CDH2: variants seen among roughly 807,000 people sequenced by gnomAD.
CDH2 encodes cadherin 2, also known as cadherin-2.
In CDH2, 17 loss-of-function variants were observed where a neutral mutation model predicts 92.0. The ratio of observed to expected loss-of-function variants is 0.18; its 90% CI spans 0.13 to 0.28. CDH2 has a LOEUF of 0.28. Among genes scored for constraint, CDH2 ranks in the 10% least tolerant of loss-of-function variants. CDH2 has a pLI of 1.00. For synonymous variants in CDH2, 419 were observed against 415.9 expected, an observed-to-expected ratio of 1.01 and a Z score of -0.09; for missense variants, 862 against 1,133.1, an observed-to-expected ratio of 0.76 and a Z score of 3.44.
intron 2 of CDH2, among the ~76,000 whole-genome samples, chr18:28,039,525 C>T (rs907186291): frequency 6.6e-6 from 1 of 152,106 alleles, no homozygotes; most frequent in African/African-American, 2.4e-5. Context: ...AAGCAACTTG[C>T]CCCTAGGTCC....
intron 2 of CDH2, among the ~76,000 whole-genome samples, chr18:28,060,192 T>C (rs1464832231): frequency 2.6e-5 from 4 of 151,982 alleles, no homozygotes; most frequent in South Asian, 2.1e-4. Context: ...TCATCATCAT[T>C]ATTATTATTT....
intron 2 of CDH2, among the ~76,000 whole-genome samples, chr18:28,140,209 GA>G (rs148454830): frequency 6.6e-6 from 1 of 151,720 alleles, no homozygotes; most frequent in African/African-American, 2.4e-5. Flanking sequence ...ACAACTCTTA[GA>G]AAAAAATATA....
chr18:28,100,576 T>C (rs955809393), intron 2 of CDH2, among the ~76,000 whole-genome samples: 5 of 139,892 alleles, frequency 3.6e-5, no homozygotes, highest in Admixed American at 1.3e-4. Flanking sequence ...CCTTGGCTAG[T>C]ATACCATGCT....
intron 2 of CDH2, among the ~76,000 whole-genome samples, chr18:28,052,945 A>G (rs1359613927): frequency 1.3e-5 from 2 of 152,186 alleles, no homozygotes; most frequent in Non-Finnish European, 2.9e-5. Flanking sequence ...TAATTAAGGT[A>G]AAATGAGGTC....
At chr18:28,158,145 T>C (rs562393589) in intron 1 of CDH2, among the ~76,000 whole-genome samples, 2 of 152,312 alleles carry the variant, frequency 1.3e-5, no homozygotes, top group African/African-American at 4.8e-5. Context: ...TGATGATTTA[T>C]GTAATTCTGA....
rs1425454187 is a variant in CDH2 at position 28,007,166 on chromosome 18, ATAT to A, written c.703-1176_703-1174del. Among the ~76,000 whole-genome samples, 492 of 80,756 alleles carry A rather than the reference ATAT, an allele frequency of 6.1e-3. 14 individuals carry two copies. Among genetic ancestry groups the A allele is most frequent in the African/African-American group, 0.019 (472 of 24,258 alleles). 53.0% of individuals were successfully genotyped at this position (80,756 alleles called of 152,430 possible). The stretch of plus-strand genomic sequence containing the variant: ...CAGAGTGAGACTCCATAAAAAAAAA[ATAT>A]ATATATATATATATATATATATATA... On this transcript the variant is annotated intron_variant, in intron 5 of 15. Transcript: ENST00000269141.
intron 2 of CDH2, among the ~76,000 whole-genome samples, chr18:28,086,848 T>C (rs2014940170): frequency 6.6e-6 from 1 of 152,196 alleles, no homozygotes; most frequent in African/African-American, 2.4e-5. Context: ...AATGAGTTCT[T>C]TTCTCTTAGA....
intron 2 of CDH2, among the ~76,000 whole-genome samples, chr18:28,094,624 C>T (rs1224569557): frequency 6.6e-6 from 1 of 151,768 alleles, no homozygotes; most frequent in Non-Finnish European, 1.5e-5. Context: ...GAAACCCTGT[C>T]TCTACTAAAA....
intron 6 of CDH2, among the ~76,000 whole-genome samples, chr18:27,944,833 A>G (rs1446415106): frequency 6.6e-6 from 1 of 150,846 alleles, no homozygotes. Context: ...GGATGTCTTG[A>G]GCCCAAGAAG....
chr18:28,018,537 T>C (rs1433285184), intron 2 of CDH2, among the ~76,000 whole-genome samples: 1 of 151,936 alleles, frequency 6.6e-6, no homozygotes, highest in Non-Finnish European at 1.5e-5. Flanking sequence ...GGTATTAAAA[T>C]AGGCATATAG....
intron 2 of CDH2, among the ~76,000 whole-genome samples, chr18:28,060,588 C>T (rs1163451333): frequency 6.6e-6 from 1 of 152,198 alleles, no homozygotes; most frequent in Non-Finnish European, 1.5e-5. Context: ...AAAACAAGCA[C>T]TTGATTCTTT....
chr18:28,120,575 G>T (rs2015571068), intron 2 of CDH2, among the ~76,000 whole-genome samples: 1 of 151,900 alleles, frequency 6.6e-6, no homozygotes, highest in African/African-American at 2.4e-5. Context: ...ATGGTACATG[G>T]CCGAACACGC....
chr18:27,938,139 G>A (rs777882245), intron 6 of CDH2, among the ~76,000 whole-genome samples: 1 of 151,836 alleles, frequency 6.6e-6, no homozygotes, highest in Non-Finnish European at 1.5e-5. Flanking sequence ...CTTGTGCTCC[G>A]GTCATGTGAA....
chr18:28,114,643 A>G (rs2015465947), intron 2 of CDH2, among the ~76,000 whole-genome samples: 1 of 152,144 alleles, frequency 6.6e-6, no homozygotes, highest in African/African-American at 2.4e-5. Context: ...GGTGGTTTTT[A>G]ATAATGACTC....
chr18:28,134,410 T>TA (rs556776985), intron 2 of CDH2, among the ~76,000 whole-genome samples: 25 of 151,070 alleles, frequency 1.7e-4, no homozygotes, highest in African/African-American at 3.2e-4. Context: ...CCGTCAGGGT[T>TA]AAAAAAAAAT....
At position 28,003,145 on chromosome 18, in the gene CDH2, G is replaced by C; in HGVS notation, c.872C>G (p.Ala291Gly). The C allele has an allele frequency of 1.2e-6, 2 of 1,613,894 alleles. No homozygotes were observed. The highest frequency in any genetic ancestry group is 8.5e-7 in the Non-Finnish European group (1 of 1,179,860). ...GGCATTGGGATCGTCAGCATCAATT[G>C]CTGTTACGGTCATCACATATGTTCC... is the stretch of plus-strand genomic sequence containing the variant. ...KPGTYVMTVTAIDADDPNALN... is the reference protein window; with the variant it reads ...KPGTYVMTVTGIDADDPNALN... The change falls in exon 7 of 16, where the codon GCA becomes GGA. Residue 291 changes from alanine to glycine, a missense_variant. By Grantham distance (60) the Ala-to-Gly change is moderately conservative. This residue lies in a region of CDH2 where 564 missense variants were observed against 722.2 expected (regional missense o/e 0.78). Transcript: ENST00000269141.
chr18:28,155,330 G>T (rs991650477), intron 1 of CDH2, among the ~76,000 whole-genome samples: 5 of 152,078 alleles, frequency 3.3e-5, no homozygotes, highest in African/African-American at 1.2e-4. Flanking sequence ...AGAATACAAA[G>T]GGCTTAAAAA....
At chr18:27,948,003 G>A (rs28365268), downstream of CDH2, among the ~76,000 whole-genome samples, 1 of 136,102 alleles carries the variant, frequency 7.3e-6, no homozygotes, top group East Asian at 2.5e-4. Flanking sequence ...TTTAACAAGC[G>A]GTGTTTGGAA....
chr18:27,990,292 A>T lies in CDH2; in HGVS notation c.1403T>A (p.Val468Glu). Residue 468 changes from valine (V) to glutamate (E), a missense_variant, in exon 10 of 16, where the codon GTG becomes GAG. By Grantham distance (121) the Val-to-Glu change is moderately radical (BLOSUM62 -2). Transcript: ENST00000269141. Reference protein sequence around the residue: ...FVLTVAAENQVPLAKGIQHPP... With the variant: ...FVLTVAAENQEPLAKGIQHPP... ...GTGCTGAATTCCCTTGGCTAATGGCACTTGATTTTCTGCAGCAACAGTAAG... is the reference window on the plus strand; with the variant it reads ...GTGCTGAATTCCCTTGGCTAATGGCTCTTGATTTTCTGCAGCAACAGTAAG... 6.2e-7 allele frequency: 1 copy of T among 1,613,838 alleles called. No homozygotes were observed.
Sources: gnomAD v4.1 joint callset for allele counts (sites outside exome capture counted in the v4.1 genomes callset) on GRCh38, gnomAD v4.1.1 for gene constraint, gnomAD v4.1.1 regional missense constraint, MANE v1.5 for transcripts, NCBI Gene and HGNC (gene_info 2026-07-23, HGNC 2026-07-21) for gene names.